The following SNTG1 variants were observed in gnomAD, a reference collection of about 807,000 sequenced individuals.
SNTG1 encodes the protein gamma-1-syntrophin.
A neutral mutation model predicts 74.7 loss-of-function variants in SNTG1; 39 were observed. The observed-to-expected ratio is 0.52, with a 90% CI of 0.40 to 0.68. The LOEUF is 0.68. Ranked by LOEUF, SNTG1 falls within the 30% of genes least tolerant of loss-of-function variation. SNTG1 has a pLI of 0.00. For synonymous variants in SNTG1, 254 were observed against 217.1 expected (o/e 1.17, Z -1.49); for missense variants, 685 against 609.5 (o/e 1.12, Z -1.30).
intron 1 of SNTG1, among the ~76,000 whole-genome samples, chr8:49,957,816 A>T (rs918847861): frequency 6.6e-5 from 10 of 151,942 alleles, no homozygotes; most frequent in East Asian, 1.9e-4. Flanking sequence ...TTTTTTTTTT[A>T]AAAGCCAGGC....
intron 1 of SNTG1, among the ~76,000 whole-genome samples, chr8:50,120,671 T>C (rs1025665228): frequency 2.8e-5 from 4 of 142,382 alleles, no homozygotes; most frequent in Non-Finnish European, 6.3e-5. Context: ...TTACCGCTGT[T>C]ATCACCACCA....
intron 9 of SNTG1, among the ~76,000 whole-genome samples, chr8:50,508,249 C>G (rs1019111827): frequency 6.6e-6 from 1 of 152,178 alleles, no homozygotes; most frequent in Non-Finnish European, 1.5e-5. Flanking sequence ...AAGACATGAA[C>G]TCATCATTTT....
At position 50,654,122 on chromosome 8, in the gene SNTG1, A is replaced by T. The variant is rs186772893; in HGVS notation, c.850-2787A>T. Among the ~76,000 whole-genome samples, 462 of 152,000 alleles carry T rather than the reference A, an allele frequency of 3.0e-3. 3 individuals are homozygous for T. The highest frequency in any genetic ancestry group is 0.011 in the African/African-American group (445 of 41,480). On this transcript the variant is annotated intron_variant, in intron 13 of 18. Coordinates refer to ENST00000642720, the MANE Select transcript of SNTG1 (RefSeq NM_018967.5). ...TGAATCTGTGTATTGACTTCTTTTT[A>T]TCTATTTGTGAAAATTCTTAGCCAT...
chr8:50,340,528 A>C (rs2130933004), intron 2 of SNTG1, among the ~76,000 whole-genome samples: 1 of 152,130 alleles, frequency 6.6e-6, no homozygotes, highest in Middle Eastern at 3.4e-3. Flanking sequence ...GAAAGAAATG[A>C]ATATAAATAC....
At position 50,120,344 on chromosome 8, in the gene SNTG1, C is replaced by T. The variant is rs1332622298; in HGVS notation, c.-102-52217C>T. 8.6e-5 allele frequency among the ~76,000 whole-genome samples: 12 copies of T among 140,078 alleles called. 2 individuals carry two copies. Among genetic ancestry groups the T allele is most frequent in the African/African-American group, 2.1e-4 (8 of 38,746 alleles). 91.9% of individuals were successfully genotyped at this position (140,078 alleles called of 152,430 possible). On this transcript the variant is annotated intron_variant, in intron 1 of 18. Transcript: ENST00000642720. ...GAAACTACCAGTGTTACTACGATCACGACTACTGCCACTAATACTACCAAT... is the reference window on the plus strand; with the variant it reads ...GAAACTACCAGTGTTACTACGATCATGACTACTGCCACTAATACTACCAAT...
chr8:50,599,617 G>T (rs1466917592), intron 13 of SNTG1, among the ~76,000 whole-genome samples: 2 of 151,764 alleles, frequency 1.3e-5, no homozygotes, highest in Non-Finnish European at 2.9e-5. Flanking sequence ...TTACAGTTTT[G>T]ATTTCATTTT....
In SNTG1 at chr8:50,292,457, A is replaced by AT. The variant is rs544451516; in HGVS notation, c.-27-101747dup. Among the ~76,000 whole-genome samples the AT allele has an allele frequency of 3.7e-3, 569 of 152,148 alleles. 6 individuals carry two copies. Among genetic ancestry groups the AT allele is most frequent in the African/African-American group, 0.012 (511 of 41,514 alleles). ...TGGGAAATTACTGACATATTCAGTTATTTTTTTTAAATCTCTCTGATTGAA... is the reference window on the plus strand; with the variant it reads ...TGGGAAATTACTGACATATTCAGTTATTTTTTTTTAAATCTCTCTGATTGAA... On this transcript the variant is annotated intron_variant, in intron 2 of 18. Coordinates refer to ENST00000642720, the MANE Select transcript of SNTG1 (RefSeq NM_018967.5).
At chr8:50,070,533 G>T (rs1586140398) in intron 1 of SNTG1, among the ~76,000 whole-genome samples, 1 of 152,042 alleles carries the variant, frequency 6.6e-6, no homozygotes, top group African/African-American at 2.4e-5. Flanking sequence ...TACTGGTCAG[G>T]CCAAATGACT....
chr8:49,944,481 A>G (rs1467415612), intron 1 of SNTG1, among the ~76,000 whole-genome samples: 3 of 150,026 alleles, frequency 2.0e-5, no homozygotes, highest in Non-Finnish European at 4.4e-5. Context: ...GCAAGGACAA[A>G]AAAACCAAAC....
intron 17 of SNTG1, among the ~76,000 whole-genome samples, chr8:50,743,272 A>T (rs1003727831): frequency 6.6e-6 from 1 of 151,912 alleles, no homozygotes; most frequent in African/African-American, 2.4e-5. Flanking sequence ...TAGCAAACAG[A>T]ACTCAGCAAC....
intron 15 of SNTG1, among the ~76,000 whole-genome samples, chr8:50,660,364 G>A (rs2095213728): frequency 1.6e-5 from 2 of 124,068 alleles, no homozygotes; most frequent in African/African-American, 6.6e-5. Context: ...AAGAAAGAGA[G>A]AGAGAGAAAG....
At chr8:50,504,474 A>T (rs979809160) in intron 9 of SNTG1, among the ~76,000 whole-genome samples, 2 of 152,154 alleles carry the variant, frequency 1.3e-5, no homozygotes, top group East Asian at 1.9e-4. Flanking sequence ...GACTAGAAAG[A>T]TGTATAATTA....
intron 1 of SNTG1, among the ~76,000 whole-genome samples, chr8:50,078,531 T>A (rs1822108773): frequency 6.6e-6 from 1 of 152,010 alleles, no homozygotes; most frequent in African/African-American, 2.4e-5. Context: ...GTGAATGAGA[T>A]TTTTTTCTTT....
chr8:50,791,744 G>A (rs2095691166), intron 18 of SNTG1, among the ~76,000 whole-genome samples: 1 of 151,620 alleles, frequency 6.6e-6, no homozygotes. Context: ...TTACCCTCTA[G>A]TTACCCTCCT....
chr8:50,125,875 G>T (rs1358261983), intron 1 of SNTG1, among the ~76,000 whole-genome samples: 2 of 152,172 alleles, frequency 1.3e-5, no homozygotes, highest in Admixed American at 6.6e-5. Context: ...TCCTCAGAGG[G>T]CATGCTAAGT....
intron 1 of SNTG1, among the ~76,000 whole-genome samples, chr8:50,023,439 A>G (rs896478728): frequency 6.6e-6 from 1 of 152,166 alleles, no homozygotes; most frequent in African/African-American, 2.4e-5. Context: ...GGCACTTAAA[A>G]TGGCATTATT....
At chr8:49,986,630 T>C (rs576007033) in intron 1 of SNTG1, among the ~76,000 whole-genome samples, 9 of 151,866 alleles carry the variant, frequency 5.9e-5, no homozygotes, top group Admixed American at 1.3e-4. Flanking sequence ...CCCAGCACTT[T>C]TGGAGGCCAA....
At chr8:50,741,028 T>G (rs2095542118) in intron 17 of SNTG1, among the ~76,000 whole-genome samples, 1 of 151,894 alleles carries the variant, frequency 6.6e-6, no homozygotes, top group African/African-American at 2.4e-5. Context: ...GCAGGAAAAA[T>G]AACTACTGGG....
chr8:50,501,440 T>G (rs1431574292), intron 8 of SNTG1, among the ~76,000 whole-genome samples: 45 of 131,590 alleles, frequency 3.4e-4, no homozygotes, highest in East Asian at 2.6e-3. Flanking sequence ...TTTTTTTTTT[T>G]TTTTTTTTTT....
Sources: allele counts gnomAD v4.1 joint callset (sites outside exome capture counted in the v4.1 genomes callset), GRCh38; gene constraint gnomAD v4.1.1; transcripts MANE v1.5; gene names NCBI Gene and HGNC (gene_info 2026-07-23, HGNC 2026-07-21).